Variants in KCND2 observed in about 807,000 individuals in gnomAD.
KCND2 encodes A-type voltage-gated potassium channel KCND2.
In KCND2, 16 loss-of-function variants were observed where a neutral mutation model predicts 54.4. The observed-to-expected ratio is 0.29, with a 90% CI of 0.20 to 0.45. The LOEUF (loss-of-function observed/expected upper bound fraction) is 0.45. KCND2 is among the 20% of genes least tolerant of loss of function. The probability of loss-of-function intolerance (pLI) is 1.00; values close to 1 mark genes in which losing one functional copy is unlikely to be tolerated. For missense variants in KCND2, 486 were observed against 824.2 expected (o/e 0.59, Z 5.02); for synonymous variants, 317 against 310.7 (o/e 1.02, Z -0.21).
intron 1 of KCND2, among the ~76,000 whole-genome samples, chr7:120,567,872 A>G (rs2116421204): frequency 6.6e-6 from 1 of 152,296 alleles, no homozygotes; most frequent in African/African-American, 2.4e-5. Flanking sequence ...ATCACAGTCC[A>G]TAACCTCAAA....
At chr7:120,347,746 A>C (rs1218574192) in intron 1 of KCND2, among the ~76,000 whole-genome samples, 1 of 151,656 alleles carries the variant, frequency 6.6e-6, no homozygotes, top group African/African-American at 2.4e-5. Context: ...AAAAAATGTG[A>C]AACTCTGTCT....
chr7:120,697,946 A>C (rs1792351515), intron 1 of KCND2, among the ~76,000 whole-genome samples: 1 of 151,868 alleles, frequency 6.6e-6, no homozygotes, highest in Non-Finnish European at 1.5e-5. Context: ...TCTTTTAAAA[A>C]TGTTAAGGAA....
intron 1 of KCND2, among the ~76,000 whole-genome samples, chr7:120,544,578 A>G (rs1309411325): frequency 1.3e-5 from 2 of 151,962 alleles, no homozygotes; most frequent in African/African-American, 2.4e-5. Context: ...ACCTAAAATT[A>G]GCAGTGGACT....
chr7:120,504,212 G>C (rs1802981025), intron 1 of KCND2, among the ~76,000 whole-genome samples: 1 of 151,794 alleles, frequency 6.6e-6, no homozygotes, highest in African/African-American at 2.4e-5. Context: ...AACTAATAAT[G>C]GTGCCAAAGT....
At chr7:120,426,649 G>A (rs1801712219) in intron 1 of KCND2, among the ~76,000 whole-genome samples, 1 of 87,562 alleles carries the variant, frequency 1.1e-5, no homozygotes, top group African/African-American at 8.3e-5. Flanking sequence ...GAGTGCAGTG[G>A]CGCAATCTGT....
At chr7:120,435,473 G>T (rs1380796995) in intron 1 of KCND2, among the ~76,000 whole-genome samples, 1 of 151,754 alleles carries the variant, frequency 6.6e-6, no homozygotes, top group East Asian at 1.9e-4. Context: ...TTATGTTTTA[G>T]AAAGCCATTT....
At chr7:120,711,679 GT>G (rs1228170830) in intron 1 of KCND2, among the ~76,000 whole-genome samples, 3 of 152,096 alleles carry the variant, frequency 2.0e-5, no homozygotes, top group Non-Finnish European at 4.4e-5. Context: ...GCTTTAAATA[GT>G]TTTTGTAATT....
chr7:120,291,454 A>C (rs1799434189), intron 1 of KCND2, among the ~76,000 whole-genome samples: 1 of 151,936 alleles, frequency 6.6e-6, no homozygotes, highest in South Asian at 2.1e-4. Flanking sequence ...GTTGAATAGA[A>C]TTTAACAACT....
rs981901209 is a variant in KCND2 at position 120,650,398 on chromosome 7, T to C, written c.1116-82505T>C. 4.0e-5 allele frequency among the ~76,000 whole-genome samples: 5 copies of C among 124,210 alleles called. 2 individuals are homozygous for C. Among genetic ancestry groups the C allele is most frequent in the African/African-American group, 1.8e-4 (4 of 22,498 alleles). 81.5% of individuals were successfully genotyped at this position (124,210 alleles called of 152,430 possible). A position where few individuals can be genotyped will look rare whatever the true frequency, so the allele number is the denominator to read the frequency against. On this transcript the variant is annotated intron_variant, in intron 1 of 5. Transcript: ENST00000331113. ...CAATCATTGATACCCTTTCTTTCAG[T>C]TGATCGAATCAGCTACTGAAGCTGT...
At chr7:120,530,408 C>T (rs983787203) in intron 1 of KCND2, among the ~76,000 whole-genome samples, 7 of 152,240 alleles carry the variant, frequency 4.6e-5, no homozygotes, top group Non-Finnish European at 7.4e-5. Context: ...TTTTTCTACT[C>T]CTGAAACAGA....
intron 1 of KCND2, among the ~76,000 whole-genome samples, chr7:120,358,786 G>A (rs1800546320): frequency 6.6e-6 from 1 of 152,272 alleles, no homozygotes; most frequent in African/African-American, 2.4e-5. Flanking sequence ...TGTGCAGGCT[G>A]TACTCTTCTG....
chr7:120,662,754 C>G (rs187958132), intron 1 of KCND2, among the ~76,000 whole-genome samples: 11 of 152,026 alleles, frequency 7.2e-5, no homozygotes, highest in African/African-American at 2.4e-4. Context: ...ACAAAAGCTC[C>G]GAAGAAAAAG....
intron 1 of KCND2, among the ~76,000 whole-genome samples, chr7:120,692,381 CT>C (rs889608786): frequency 1.3e-5 from 2 of 152,110 alleles, no homozygotes; most frequent in African/African-American, 2.4e-5. Context: ...TTAATACAAA[CT>C]TTTTTTTAGT....
intron 1 of KCND2, among the ~76,000 whole-genome samples, chr7:120,293,323 T>C (rs1326693173): frequency 6.6e-6 from 1 of 151,954 alleles, no homozygotes; most frequent in African/African-American, 2.4e-5. Context: ...TCCAGATCAT[T>C]GTACCTGAAA....
chr7:120,346,481 A>G (rs1800318400), intron 1 of KCND2, among the ~76,000 whole-genome samples: 2 of 152,174 alleles, frequency 1.3e-5, no homozygotes, highest in African/African-American at 4.8e-5. Flanking sequence ...TTTGGCAAGG[A>G]TAAGGTTAGG....
At chr7:120,721,503 C>T (rs1209627530) in intron 1 of KCND2, among the ~76,000 whole-genome samples, 3 of 152,084 alleles carry the variant, frequency 2.0e-5, no homozygotes, top group Non-Finnish European at 4.4e-5. Flanking sequence ...CATAAGCTCC[C>T]GGATTCTCAT....
intron 1 of KCND2, among the ~76,000 whole-genome samples, chr7:120,381,294 A>G (rs1027744424): frequency 3.9e-5 from 6 of 152,060 alleles, no homozygotes; most frequent in African/African-American, 1.4e-4. Context: ...TTCTTACAAC[A>G]GATTTAAAGT....
At chr7:120,621,471 C>T (rs1793098341) in intron 1 of KCND2, among the ~76,000 whole-genome samples, 1 of 151,752 alleles carries the variant, frequency 6.6e-6, no homozygotes, top group Admixed American at 6.6e-5. Context: ...ACCCAAGAAC[C>T]CCCAAATACA....
intron 1 of KCND2, among the ~76,000 whole-genome samples, chr7:120,276,706 A>G (rs2116246788): frequency 6.6e-6 from 1 of 152,262 alleles, no homozygotes; most frequent in East Asian, 1.9e-4. Flanking sequence ...TTTTAGGGCT[A>G]GAATTAAGTT....
Sources: allele counts gnomAD v4.1 joint callset (sites outside exome capture counted in the v4.1 genomes callset), GRCh38; gene constraint gnomAD v4.1.1; transcripts MANE v1.5; gene names NCBI Gene and HGNC (gene_info 2026-07-23, HGNC 2026-07-21).